TMCO4: variants seen among roughly 807,000 people sequenced by gnomAD.
TMCO4 encodes transmembrane and coiled-coil domain-containing protein 4.
A neutral mutation model predicts 64.7 loss-of-function variants in TMCO4; 58 were observed. That is an observed-to-expected ratio of 0.90 (90% CI 0.73 to 1.12). The LOEUF (loss-of-function observed/expected upper bound fraction) is 1.12, where lower values mean the gene tolerates loss of function less well. Among genes scored for constraint, TMCO4 ranks in the 50% most tolerant of loss-of-function variants. TMCO4 has a pLI of 0.00. For missense variants in TMCO4, 780 were observed against 825.9 expected, an observed-to-expected ratio of 0.94 and a Z score of 0.68; for synonymous variants, 325 against 346.1, an observed-to-expected ratio of 0.94 and a Z score of 0.68.
At chr1:19,784,141 G>A (rs934942103) in intron 3 of TMCO4, among the ~76,000 whole-genome samples, 1 of 152,144 alleles carries the variant, frequency 6.6e-6, no homozygotes, top group Non-Finnish European at 1.5e-5. Flanking sequence ...GAAGCCCCAC[G>A]CCAGTTCTTA....
At position 19,739,890 on chromosome 1, in the gene TMCO4, C is replaced by A. The variant is rs200629068; in HGVS notation, c.1113G>T (p.Gly371=). The A allele has an allele frequency of 9.3e-6, 15 of 1,613,858 alleles. No individual in the cohort carries two copies. The highest frequency in any genetic ancestry group is 6.8e-6 in the Non-Finnish European group (8 of 1,179,994). Residue 371 remains glycine (G), a synonymous_variant, in exon 12 of 16, where the codon GGG becomes GGT. Transcript: ENST00000294543. ...SVANVIDNPW[G]VCLHRSAEVG... is the part of the protein sequence containing the mutation. ...CCTCTGCTGATCGATGGAGACACAC[C>A]CCCCAGGGGTTGTCGATGACATTGG...
intron 6 of TMCO4, among the ~76,000 whole-genome samples, chr1:19,759,101 CAAAAA>C (rs1163885215): frequency 4.7e-5 from 1 of 21,178 alleles, no homozygotes; most frequent in Admixed American, 5.7e-4. Flanking sequence ...GACTCGGTCT[CAAAAA>C]AAAAAAAAAA....
chr1:19,745,419 G>T, intron 10 of TMCO4, 113 bp downstream of exon 10: 1 of 1,509,394 alleles, frequency 6.6e-7, no homozygotes, highest in African/African-American at 1.4e-5. Context: ...TTCTTCCTCT[G>T]CGAAATGGGG....
At position 19,732,866 on chromosome 1, in the gene TMCO4, G is replaced by A. The variant is rs1348826228; in HGVS notation, c.1264+4506C>T. On this transcript the variant is annotated intron_variant, in intron 13 of 15. Transcript: ENST00000294543. This position sits in a 1 kb window ranked among gnomAD's most constrained non-coding sequence, Gnocchi z 4.8. ...ATTCCTATCAGATTCTTGTTATTTG[G>A]AAGGCTTCGGATCCTAGTTTCTTCT... Among the ~76,000 whole-genome samples, 1 of 152,132 alleles carries A rather than the reference G, an allele frequency of 6.6e-6. No homozygotes were observed. The highest frequency in any genetic ancestry group is 1.5e-5 in the Non-Finnish European group (1 of 68,024).
chr1:19,722,343 G>C (rs1327244670), intron 13 of TMCO4, among the ~76,000 whole-genome samples: 1 of 152,220 alleles, frequency 6.6e-6, no homozygotes, highest in African/African-American at 2.4e-5. Context: ...CCCTTTACAG[G>C]AGTCAATGCT....
intron 15 of TMCO4, among the ~76,000 whole-genome samples, chr1:19,686,298 C>T (rs2095149078): frequency 6.6e-6 from 1 of 152,046 alleles, no homozygotes; most frequent in Non-Finnish European, 1.5e-5. Flanking sequence ...GCCAAAGATG[C>T]GCATGAGACC....
chr1:19,757,351 A>G (rs921136918), intron 6 of TMCO4, among the ~76,000 whole-genome samples: 3 of 152,118 alleles, frequency 2.0e-5, no homozygotes, highest in African/African-American at 7.2e-5. Context: ...CCCTCCCTCC[A>G]GTCACTCCAG....
In TMCO4 at chr1:19,774,126, T is replaced by G. The variant is rs139359659; in HGVS notation, c.180-2644A>C. ...TATAATTTGCCCCACTGCAATTTAC[T>G]GGGATTACCTTGGGGTGGTAATGAG... On this transcript the variant is annotated intron_variant, in intron 4 of 15. Transcript: ENST00000294543. Among the ~76,000 whole-genome samples, 11 of 152,338 alleles carry G rather than the reference T, an allele frequency of 7.2e-5. No homozygotes were observed. In the East Asian group the frequency reaches 2.1e-3, roughly 29 times the overall value.
intron 1 of TMCO4, 116 bp downstream of exon 1, chr1:19,799,739 G>A (rs2044510835): frequency 6.6e-6 from 1 of 152,244 alleles, no homozygotes; most frequent in South Asian, 2.1e-4. Context: ...GCGGGGCGCA[G>A]GGCAAAGGGC....
At chr1:19,705,792 GA>G (rs752878339) in intron 13 of TMCO4, among the ~76,000 whole-genome samples, 5,134 of 143,166 alleles carry the variant, frequency 0.036, 234 homozygotes, top group African/African-American at 0.12. Flanking sequence ...TGCTGGAAAG[GA>G]AAAAAAAAAA....
chr1:19,731,094 G>A (rs1472164374), intron 13 of TMCO4, among the ~76,000 whole-genome samples: 1 of 152,136 alleles, frequency 6.6e-6, no homozygotes, highest in East Asian at 1.9e-4. Flanking sequence ...TGACGATCTC[G>A]ACCATCTGGA....
intron 2 of TMCO4, among the ~76,000 whole-genome samples, chr1:19,797,762 C>T (rs1276480105): frequency 1.3e-5 from 2 of 150,966 alleles, no homozygotes; most frequent in Non-Finnish European, 3.0e-5. Flanking sequence ...TACTTGGAAG[C>T]CTGAGGCAGG....
At chr1:19,792,298 G>T (rs75861602) in intron 2 of TMCO4, among the ~76,000 whole-genome samples, 6 of 152,278 alleles carry the variant, frequency 3.9e-5, no homozygotes, top group South Asian at 4.1e-4. Flanking sequence ...CCTACAGCTC[G>T]GCTGCACAGC....
chr1:19,720,607 C>G (rs2095377914), intron 13 of TMCO4, among the ~76,000 whole-genome samples: 2 of 152,066 alleles, frequency 1.3e-5, no homozygotes, highest in Non-Finnish European at 2.9e-5. Flanking sequence ...GCCTGCAAAT[C>G]TTTTGGGGGA....
intron 7 of TMCO4, among the ~76,000 whole-genome samples, chr1:19,747,875 C>T (rs905949798): frequency 3.9e-5 from 6 of 152,180 alleles, no homozygotes; most frequent in African/African-American, 1.4e-4. Flanking sequence ...CCCAATTTTC[C>T]TATTGGACAT....
At chr1:19,792,847 T>C (rs2044118874) in intron 2 of TMCO4, among the ~76,000 whole-genome samples, 2 of 141,884 alleles carry the variant, frequency 1.4e-5, no homozygotes, top group Admixed American at 7.6e-5. Context: ...CTGGGCTCAC[T>C]GCAACCTCCA....
intron 13 of TMCO4, among the ~76,000 whole-genome samples, chr1:19,736,819 C>T (rs1438644090): frequency 5.9e-5 from 9 of 152,126 alleles, no homozygotes; most frequent in Non-Finnish European, 5.9e-5. Flanking sequence ...CCTGTGAATG[C>T]GACCTCATCT....
At chr1:19,761,753 C>T (rs1433596956) in intron 6 of TMCO4, among the ~76,000 whole-genome samples, 1 of 152,208 alleles carries the variant, frequency 6.6e-6, no homozygotes, top group Non-Finnish European at 1.5e-5. Flanking sequence ...CTCCCCACTC[C>T]CAGTGATTCT....
intron 7 of TMCO4, among the ~76,000 whole-genome samples, chr1:19,755,136 CTTTTT>C (rs1264214807): frequency 6.6e-6 from 1 of 152,054 alleles, no homozygotes; most frequent in Non-Finnish European, 1.5e-5. Context: ...CTTTTCTTTT[CTTTTT>C]TGAGACAAGA....
Sources: gnomAD v4.1 joint callset for allele counts (sites outside exome capture counted in the v4.1 genomes callset) on GRCh38, gnomAD v4.1.1 for gene constraint, Gnocchi (gnomAD v3.1) non-coding constraint, MANE v1.5 for transcripts, NCBI Gene and HGNC (gene_info 2026-07-23, HGNC 2026-07-21) for gene names.